Variants in ACYP2 observed in about 807,000 individuals in gnomAD.
ACYP2 encodes acylphosphatase 2.
Under a neutral mutation model 11.2 loss-of-function variants are expected in ACYP2, and 12 were observed. The ratio of observed to expected loss-of-function variants is 1.08; its 90% CI spans 0.69 to 1.74. The LOEUF (loss-of-function observed/expected upper bound fraction) is 1.74, where lower values mean the gene tolerates loss of function less well. Ranked by LOEUF, ACYP2 falls within the 40% of genes most tolerant of loss-of-function variation. The pLI, the probability that ACYP2 is intolerant of heterozygous loss-of-function variation, is 0.00. For synonymous variants in ACYP2, 43 were observed against 32.2 expected (o/e 1.33, Z -1.13); for missense variants, 134 against 101.9 (o/e 1.31, Z -1.35).
intron 6 of ACYP2, among the ~76,000 whole-genome samples, chr2:54,187,579 G>T (rs868017062): frequency 6.6e-6 from 1 of 152,120 alleles, no homozygotes; most frequent in South Asian, 2.1e-4. Flanking sequence ...CAAGGTCCAG[G>T]GACATACATC....
intron 6 of ACYP2, among the ~76,000 whole-genome samples, chr2:54,301,083 T>C (rs1195110798): frequency 6.6e-6 from 1 of 152,248 alleles, no homozygotes; most frequent in African/African-American, 2.4e-5. Context: ...GCCATACGTA[T>C]ATTAATTTTC....
intron 6 of ACYP2, among the ~76,000 whole-genome samples, chr2:54,266,619 T>C (rs1353163708): frequency 1.0e-5 from 1 of 100,102 alleles, no homozygotes; most frequent in African/African-American, 4.0e-5. Context: ...TTTTTTTTTT[T>C]TTTTGAGACG....
intron 6 of ACYP2, among the ~76,000 whole-genome samples, chr2:54,171,490 C>G (rs141081396): frequency 6.6e-6 from 1 of 152,152 alleles, no homozygotes; most frequent in African/African-American, 2.4e-5. Context: ...AGGACACTAT[C>G]TTGTGTCGTT....
intron 6 of ACYP2, among the ~76,000 whole-genome samples, chr2:54,244,547 T>C (rs1439118913): frequency 4.6e-5 from 7 of 152,214 alleles, no homozygotes; most frequent in Admixed American, 4.6e-4. Flanking sequence ...CTGTGTATCA[T>C]ACACCAAATT....
chr2:54,242,535 A>G (rs1332140426), intron 6 of ACYP2, among the ~76,000 whole-genome samples: 1 of 152,260 alleles, frequency 6.6e-6, no homozygotes. Flanking sequence ...ATACAGTCAT[A>G]TGCCACATAA....
intron 6 of ACYP2, among the ~76,000 whole-genome samples, chr2:54,228,157 T>C (rs7594550): frequency 3.1e-3 from 469 of 152,358 alleles, no homozygotes; most frequent in African/African-American, 0.011. Flanking sequence ...GGGACACATT[T>C]ACTACACACT....
At chr2:54,155,747 A>C (rs2103818662) in intron 6 of ACYP2, among the ~76,000 whole-genome samples, 1 of 152,174 alleles carries the variant, frequency 6.6e-6, no homozygotes, top group South Asian at 2.1e-4. Flanking sequence ...GCATCCCATA[A>C]GTTTTGGTAT....
chr2:54,159,599 G>T (rs560181863), intron 6 of ACYP2, among the ~76,000 whole-genome samples: 1 of 152,084 alleles, frequency 6.6e-6, no homozygotes, highest in South Asian at 2.1e-4. Flanking sequence ...CCTCTGCTAG[G>T]TGCTAAGGGG....
At chr2:53,986,698 C>A (rs1672056717) in intron 2 of ACYP2, among the ~76,000 whole-genome samples, 1 of 149,294 alleles carries the variant, frequency 6.7e-6, no homozygotes, top group Admixed American at 6.7e-5. Flanking sequence ...GATCTTGGGT[C>A]ACTGCAACCT....
intron 2 of ACYP2, among the ~76,000 whole-genome samples, chr2:54,046,884 G>T (rs1558493048): frequency 6.6e-6 from 1 of 152,166 alleles, no homozygotes. Flanking sequence ...TGAGAGAGCT[G>T]GGTTCAAATC....
intron 2 of ACYP2, among the ~76,000 whole-genome samples, chr2:53,998,661 C>G (rs892906125): frequency 6.6e-6 from 1 of 151,986 alleles, no homozygotes; most frequent in Non-Finnish European, 1.5e-5. Flanking sequence ...ACTAAAAATA[C>G]AAAAATTAGC....
intron 3 of ACYP2, chr2:54,051,448 C>T (rs1559037): frequency 8.5e-6 from 6 of 705,282 alleles, no homozygotes; most frequent in African/African-American, 5.3e-5. Context: ...CCCTCCTAAA[C>T]GGGTGACAAA....
At chr2:54,199,943 A>G (rs917030074) in intron 6 of ACYP2, among the ~76,000 whole-genome samples, 4 of 152,254 alleles carry the variant, frequency 2.6e-5, no homozygotes, top group African/African-American at 9.6e-5. Context: ...GTGTGCAGTG[A>G]GCATCCATGC....
At chr2:54,281,647 G>T (rs188395514) in intron 6 of ACYP2, among the ~76,000 whole-genome samples, 1 of 152,216 alleles carries the variant, frequency 6.6e-6, no homozygotes, top group East Asian at 1.9e-4. Flanking sequence ...CTGGTATTAC[G>T]AAGTAAAATT....
At chr2:53,984,834 G>A (rs1415106307) in intron 2 of ACYP2, among the ~76,000 whole-genome samples, 1 of 151,502 alleles carries the variant, frequency 6.6e-6, no homozygotes, top group East Asian at 1.9e-4. Context: ...TGCAGAAAAA[G>A]CATTTATTAG....
chr2:54,113,180 C>T (rs1396678623), intron 4 of ACYP2, among the ~76,000 whole-genome samples: 3 of 151,620 alleles, frequency 2.0e-5, no homozygotes, highest in African/African-American at 7.3e-5. Flanking sequence ...TGCTATTATA[C>T]TGTATTGTTC....
At chr2:54,020,689 C>T (rs1673960325) in intron 2 of ACYP2, among the ~76,000 whole-genome samples, 3 of 152,190 alleles carry the variant, frequency 2.0e-5, no homozygotes, top group Admixed American at 6.5e-5. Flanking sequence ...ATATGATCCA[C>T]AAAGCCTAAA....
intron 4 of ACYP2, among the ~76,000 whole-genome samples, chr2:54,073,604 T>C (rs1208579614): frequency 1.3e-5 from 2 of 152,216 alleles, no homozygotes; most frequent in South Asian, 2.1e-4. Context: ...AGGCAACTCA[T>C]AGAAGGGGAG....
At chr2:54,299,548 C>T (rs999316319) in intron 6 of ACYP2, among the ~76,000 whole-genome samples, 18 of 148,576 alleles carry the variant, frequency 1.2e-4, no homozygotes, top group African/African-American at 3.0e-4. Context: ...GCCCAGATTG[C>T]GCCGTGGTAC....
Sources: allele counts gnomAD v4.1 joint callset (sites outside exome capture counted in the v4.1 genomes callset), GRCh38; gene constraint gnomAD v4.1.1; transcripts MANE v1.5; gene names NCBI Gene and HGNC (gene_info 2026-07-23, HGNC 2026-07-21).